Variants in RAB27B observed in about 807,000 individuals in gnomAD.
The protein encoded by RAB27B is ras-related protein Rab-27B.
A neutral mutation model predicts 24.6 loss-of-function variants in RAB27B; 15 were observed. The observed-to-expected ratio is 0.61, with a 90% CI of 0.41 to 0.94. The LOEUF (loss-of-function observed/expected upper bound fraction) is 0.94. RAB27B is among the 40% of genes least tolerant of loss of function. RAB27B has a pLI of 0.00. For synonymous variants in RAB27B, 105 were observed against 92.5 expected, an observed-to-expected ratio of 1.14 and a Z score of -0.78; for missense variants, 261 against 266.8, an observed-to-expected ratio of 0.98 and a Z score of 0.15.
intron 2 of RAB27B, among the ~76,000 whole-genome samples, chr18:54,803,369 G>C (rs1444193492): frequency 6.6e-6 from 1 of 152,166 alleles, no homozygotes; most frequent in Admixed American, 6.5e-5. Flanking sequence ...GAAAACACAA[G>C]AAGGCCAGTG....
intron 1 of RAB27B, among the ~76,000 whole-genome samples, chr18:54,833,283 A>G (rs1910764917): frequency 1.5e-5 from 2 of 134,722 alleles, no homozygotes; most frequent in Non-Finnish European, 1.5e-5. Flanking sequence ...CTGGAGTGCA[A>G]TGGCACGATC....
At chr18:54,775,045 T>A (rs938782298) in intron 2 of RAB27B, among the ~76,000 whole-genome samples, 10 of 152,196 alleles carry the variant, frequency 6.6e-5, no homozygotes, top group South Asian at 2.1e-4. Flanking sequence ...TGCTTTTGCA[T>A]CCTGGGAGGA....
chr18:54,798,467 C>T lies in RAB27B; in HGVS notation c.-19-79100C>T, dbSNP rs1909493109. Among the ~76,000 whole-genome samples the T allele has an allele frequency of 2.0e-5, 3 of 152,230 alleles. 1 individual carries two copies. In the South Asian group the frequency reaches 6.2e-4, roughly 31 times the overall value. ...TAGATGAGAACCAAGGCCTCGGGTG[C>T]CCAGGCTTTCTCTGTCTCCACTCCA... On this transcript the variant is annotated intron_variant, in intron 2 of 4. Coordinates refer to the RAB27B transcript ENST00000586570.
chr18:54,844,020 G>A (rs2145205402), intron 1 of RAB27B, among the ~76,000 whole-genome samples: 1 of 152,296 alleles, frequency 6.6e-6, no homozygotes, highest in South Asian at 2.1e-4. Flanking sequence ...GCTGCAGGGA[G>A]GAGGAGAAGG....
At chr18:54,809,941 C>A (rs541467371) in intron 2 of RAB27B, among the ~76,000 whole-genome samples, 1 of 152,242 alleles carries the variant, frequency 6.6e-6, no homozygotes, top group East Asian at 1.9e-4. Context: ...TTATGTTTTA[C>A]TGTTAAGAAT....
chr18:54,756,706 C>A (rs1318249660), intron 2 of RAB27B, among the ~76,000 whole-genome samples: 1 of 151,986 alleles, frequency 6.6e-6, no homozygotes, highest in Non-Finnish European at 1.5e-5. Context: ...AGTACTGTAC[C>A]AGATATTTAT....
At chr18:54,853,754 G>A (rs1911675032) in intron 1 of RAB27B, among the ~76,000 whole-genome samples, 1 of 152,166 alleles carries the variant, frequency 6.6e-6, no homozygotes, top group Admixed American at 6.5e-5. Context: ...TGGACTACCT[G>A]TTATAAGCTT....
chr18:54,868,619 G>GTTGTTGTTGT (rs778510840), intron 1 of RAB27B, among the ~76,000 whole-genome samples: 84 of 151,628 alleles, frequency 5.5e-4, no homozygotes, highest in Middle Eastern at 3.4e-3. Context: ...TGTTGTTGTT[G>GTTGTTGTTGT]TTGTTTGTTT....
chr18:54,747,347 A>G (rs112526743), intron 2 of RAB27B, among the ~76,000 whole-genome samples: 2,462 of 152,300 alleles, frequency 0.016, 61 homozygotes, highest in African/African-American at 0.055. Flanking sequence ...GTGATTGTTA[A>G]TATCTATGGC....
intron 1 of RAB27B, among the ~76,000 whole-genome samples, chr18:54,851,212 T>C (rs975323342): frequency 1.3e-5 from 2 of 152,210 alleles, no homozygotes; most frequent in African/African-American, 4.8e-5. Context: ...GCATCACATG[T>C]ATTATTCATT....
At chr18:54,724,376 G>A (rs1402256105) in intron 2 of RAB27B, among the ~76,000 whole-genome samples, 1 of 151,494 alleles carries the variant, frequency 6.6e-6, no homozygotes, top group Non-Finnish European at 1.5e-5. Context: ...TGCATGCTTA[G>A]GCTACACTAA....
chr18:54,811,936 A>G (rs1909976596), intron 2 of RAB27B, among the ~76,000 whole-genome samples: 1 of 152,108 alleles, frequency 6.6e-6, no homozygotes, highest in African/African-American at 2.4e-5. Context: ...TATCCATCCA[A>G]TACTTTTTTA....
At chr18:54,825,582 C>T (rs558734064), upstream of RAB27B, among the ~76,000 whole-genome samples, 3 of 152,178 alleles carry the variant, frequency 2.0e-5, no homozygotes, top group East Asian at 5.8e-4. Context: ...TTTTCAATTT[C>T]AAAAGATTTT....
chr18:54,744,327 CTG>C (rs1910165596), intron 2 of RAB27B, among the ~76,000 whole-genome samples: 1 of 151,944 alleles, frequency 6.6e-6, no homozygotes, highest in African/African-American at 2.4e-5. Flanking sequence ...AGATAAAAAC[CTG>C]TTTTTATTTT....
intron 1 of RAB27B, among the ~76,000 whole-genome samples, chr18:54,852,695 A>G (rs529873116): frequency 3.3e-5 from 5 of 152,200 alleles, no homozygotes; most frequent in Non-Finnish European, 7.4e-5. Flanking sequence ...TTGAAAGGAT[A>G]TAATTATAAG....
chr18:54,776,733 C>A (rs1406484019), intron 2 of RAB27B, among the ~76,000 whole-genome samples: 1 of 152,170 alleles, frequency 6.6e-6, no homozygotes, highest in Non-Finnish European at 1.5e-5. Flanking sequence ...TCTCCAGCAC[C>A]ATGTCAGTCA....
In RAB27B at chr18:54,884,480, A is replaced by G. The variant is rs745625063; in HGVS notation, c.343+44A>G. On this transcript the variant is annotated intron_variant, in intron 4 of 5. Transcript: ENST00000262094. ...TGTGCATTGGCCGCTTTGGGACTCA[A>G]CTGCCTTAGGTGCTTGTTGGTCTTG... 9.9e-6 allele frequency: 13 copies of G among 1,309,170 alleles called. No homozygotes were observed. In the East Asian group the frequency reaches 2.5e-4, roughly 26 times the overall value. 81.1% of individuals were successfully genotyped at this position (1,309,170 alleles called of 1,614,324 possible).
intron 1 of RAB27B, among the ~76,000 whole-genome samples, chr18:54,860,089 A>G (rs2145235260): frequency 6.6e-6 from 1 of 152,274 alleles, no homozygotes; most frequent in Non-Finnish European, 1.5e-5. Context: ...GGTACTTGTC[A>G]AAAGGGTTTT....
At position 54,845,420 on chromosome 18, in the gene RAB27B, T is replaced by A. The variant is rs60471942; in HGVS notation, c.-20+16720T>A. Among the ~76,000 whole-genome samples, 153 of 33,960 alleles carry A rather than the reference T, an allele frequency of 4.5e-3. 13 individuals carry two copies. The highest frequency in any genetic ancestry group is 4.2e-3 in the East Asian group (4 of 952). 22.3% of individuals were successfully genotyped at this position (33,960 alleles called of 152,430 possible). On this transcript the variant is annotated intron_variant, in intron 1 of 5. Transcript: ENST00000262094. ...GACTCCATCTCAAAAAAAAAAAAAATAAAATAAAATCTATTTAGGAAGAAA... is the reference window on the plus strand; with the variant it reads ...GACTCCATCTCAAAAAAAAAAAAAAAAAAATAAAATCTATTTAGGAAGAAA...
Sources: gnomAD v4.1 joint callset for allele counts (sites outside exome capture counted in the v4.1 genomes callset) on GRCh38, gnomAD v4.1.1 for gene constraint, MANE v1.5 for transcripts, NCBI Gene and HGNC (gene_info 2026-07-23, HGNC 2026-07-21) for gene names.